The following VPS13D variants were observed in gnomAD, a reference collection of about 807,000 sequenced individuals.
The protein encoded by VPS13D is vacuolar protein sorting 13 homolog D, also known as intermembrane lipid transfer protein VPS13D.
Under a neutral mutation model 461.9 loss-of-function variants are expected in VPS13D, and 187 were observed. The ratio of observed to expected loss-of-function variants is 0.40; its 90% CI spans 0.36 to 0.46. The LOEUF is 0.46. VPS13D is among the 20% of genes least tolerant of loss of function. The pLI is 0.60. For missense variants in VPS13D, 4,711 were observed against 5,364.9 expected (o/e 0.88, Z 3.81); for synonymous variants, 1,951 against 1,986.3 (o/e 0.98, Z 0.47).
chr1:12,371,424 C>G (rs1344258080), intron 54 of VPS13D, among the ~76,000 whole-genome samples: 1 of 141,778 alleles, frequency 7.1e-6, no homozygotes, highest in Non-Finnish European at 1.5e-5. Context: ...GAGTTTTGCT[C>G]TTGTTTCCCA....
At chr1:12,310,391 C>G (rs1376541645) in intron 27 of VPS13D, among the ~76,000 whole-genome samples, 1 of 152,216 alleles carries the variant, frequency 6.6e-6, no homozygotes, top group African/African-American at 2.4e-5. Flanking sequence ...CTAGCCCTCT[C>G]TATACTTAGA....
intron 47 of VPS13D, among the ~76,000 whole-genome samples, chr1:12,354,492 C>G (rs1246190047): frequency 6.6e-6 from 1 of 152,032 alleles, no homozygotes; most frequent in Non-Finnish European, 1.5e-5. Context: ...TATGTTCACG[C>G]TACTGCCCAC....
rs1480813877 is a variant in VPS13D, at chr1:12,310,943, G to T, written c.6651-511G>T. Among the ~76,000 whole-genome samples, 4 of 128,360 alleles carry T rather than the reference G, an allele frequency of 3.1e-5. No homozygotes were observed. In the Admixed American group the frequency reaches 3.2e-4, roughly 10 times the overall value. The allele number at this position is 128,360 out of a possible 152,430, so 84.2% of individuals were successfully genotyped here. The stretch of plus-strand genomic sequence containing the variant: ...TCTCTCCCTCTCTCCCTCCCACAGG[G>T]TCTCACTCTGTCACACAGGCTGGAA... On this transcript the variant is annotated intron_variant, in intron 27 of 69. Transcript: ENST00000620676.
At chr1:12,275,796 T>G (rs556525012) in intron 18 of VPS13D, 29 bp from the exon 19 acceptor site, 27 of 1,534,264 alleles carry the variant, frequency 1.8e-5, no homozygotes, top group African/African-American at 2.8e-5. Context: ...AGCAGACATA[T>G]ATTTGAATCT....
Position 12,234,294 on chromosome 1 carries a change from C to T in VPS13D, c.28C>T (p.Leu10Phe). MLEGLVAWVLNTYLGKYVNN... is the reference protein window; with the variant it reads MLEGLVAWVFNTYLGKYVNN... ...GTTGGAAGGCCTTGTAGCCTGGGTT[C>T]TCAATACCTATTTGGGAAAATATGT... Residue 10 changes from leucine (L) to phenylalanine (F), a missense_variant, in exon 2 of 70, where the codon CTC becomes TTC. Coordinates refer to ENST00000620676, the MANE Select transcript of VPS13D (RefSeq NM_015378.4). 2 of 1,614,084 alleles carry T rather than the reference C, an allele frequency of 1.2e-6. No individual in the cohort carries two copies. The highest frequency in any genetic ancestry group is 1.7e-6 in the Non-Finnish European group (2 of 1,179,974).
rs1298242765 is a variant in VPS13D, at chr1:12,327,745, G to A, written c.8088G>A (p.Val2696=). Residue 2696 remains valine (V), a synonymous_variant, in exon 36 of 70, where the codon GTG becomes GTA. Coordinates refer to ENST00000620676, the MANE Select transcript of VPS13D (RefSeq NM_015378.4). ...ASTSRDSPGA[V]AAPLISGVEI... Reference sequence around the variant, plus strand: ...CCAGCCGAGATAGCCCAGGGGCTGTGGCAGCGCCATTGATCTCTGGCGTGG... The same window carrying A: ...CCAGCCGAGATAGCCCAGGGGCTGTAGCAGCGCCATTGATCTCTGGCGTGG... 1 of 1,613,952 alleles carries A rather than the reference G, an allele frequency of 6.2e-7. No individual in the cohort carries two copies. The highest frequency in any genetic ancestry group is 8.5e-7 in the Non-Finnish European group (1 of 1,180,002).
intron 16 of VPS13D, among the ~76,000 whole-genome samples, chr1:12,269,713 T>G (rs1333463204): frequency 6.6e-6 from 1 of 152,200 alleles, no homozygotes; most frequent in Non-Finnish European, 1.5e-5. Context: ...ACAGGGAGAT[T>G]TATAAAACAA....
Position 12,462,671 on chromosome 1 carries a change from T to C in VPS13D, c.12662+2275T>C, listed in dbSNP as rs77274563. Among the ~76,000 whole-genome samples the C allele has an allele frequency of 1.0e-2, 1,521 of 152,334 alleles. 29 individuals carry two copies. Among genetic ancestry groups the C allele is most frequent in the African/African-American group, 0.033 (1,391 of 41,564 alleles). ...AGGAGGGGGCTCATTGGATTTCTCT[T>C]GTACGTGTTTCAGAGTCAGTTAGTG... On this transcript the variant is annotated intron_variant, in intron 67 of 69. Transcript: ENST00000620676.
rs762865200 is a variant in VPS13D at position 12,293,613 on chromosome 1, G to A, written c.5942G>A (p.Arg1981His). ...MASVQYVHTQ[R>H]FQAEVVAFIQ... ...TCTGTGCAGTATGTGCATACTCAGC[G>A]TTTCCAGGCAGAGGTGGTGGCCTTC... is the stretch of plus-strand genomic sequence containing the variant. Residue 1981 changes from arginine (R) to histidine (H), a missense_variant, in exon 24 of 70, where the codon CGT becomes CAT. This residue lies in a region of VPS13D where 4,411 missense variants were observed against 4,937.8 expected (regional missense o/e 0.89). Transcript: ENST00000620676. The A allele has an allele frequency of 4.3e-6, 7 of 1,614,162 alleles. No homozygotes were observed. The highest frequency in any genetic ancestry group is 2.2e-5 in the East Asian group (1 of 44,886).
chr1:12,344,983 A>G (rs1643643952), intron 42 of VPS13D: 2 of 159,558 alleles, frequency 1.3e-5, no homozygotes, highest in Admixed American at 6.1e-5. Flanking sequence ...CAAAGGAACC[A>G]AGAATAATTT....
At chr1:12,409,384 A>G (rs1280429498) in intron 63 of VPS13D, among the ~76,000 whole-genome samples, 2 of 152,184 alleles carry the variant, frequency 1.3e-5, no homozygotes, top group Non-Finnish European at 2.9e-5. Flanking sequence ...GCAGTCTCAG[A>G]AGACACATGC....
chr1:12,470,142 G>A (rs1645543471), intron 67 of VPS13D, among the ~76,000 whole-genome samples: 1 of 152,202 alleles, frequency 6.6e-6, no homozygotes, highest in Non-Finnish European at 1.5e-5. Context: ...TGGCAGGGGT[G>A]ACCCAAACTG....
chr1:12,447,104 C>A (rs1271024472), intron 65 of VPS13D, among the ~76,000 whole-genome samples: 1 of 152,134 alleles, frequency 6.6e-6, no homozygotes, highest in African/African-American at 2.4e-5. Context: ...CAGATATTTG[C>A]ATGTAATTTT....
intron 30 of VPS13D, among the ~76,000 whole-genome samples, chr1:12,315,536 A>G (rs994884440): frequency 3.9e-5 from 6 of 152,148 alleles, no homozygotes; most frequent in Non-Finnish European, 8.8e-5. Flanking sequence ...TGCAGAGGGG[A>G]TGACTTCTTC....
chr1:12,314,841 TCAGA>T (rs1642847215), intron 30 of VPS13D, among the ~76,000 whole-genome samples: 1 of 152,246 alleles, frequency 6.6e-6, no homozygotes, highest in East Asian at 1.9e-4. Context: ...TATTTTGGAA[TCAGA>T]CAGATCTGGG....
chr1:12,243,025 T>C (rs1436770214), intron 3 of VPS13D, among the ~76,000 whole-genome samples: 3 of 151,790 alleles, frequency 2.0e-5, no homozygotes, highest in Non-Finnish European at 4.4e-5. Flanking sequence ...CGATCTCGGC[T>C]CACTGCAACC....
At chr1:12,341,709 T>A in intron 40 of VPS13D, 71 bp from the exon 41 acceptor site, 1 of 1,434,338 alleles carries the variant, frequency 7.0e-7, no homozygotes, top group Non-Finnish European at 9.7e-7. Flanking sequence ...GGGCACTGTC[T>A]CCAGGTTGGG....
chr1:12,349,008 GA>G (rs1643737979), intron 45 of VPS13D, 35 bp downstream of exon 45: 2 of 1,612,944 alleles, frequency 1.2e-6, no homozygotes, highest in African/African-American at 2.7e-5. Flanking sequence ...AGTAAATGCT[GA>G]TAAATACTTC....
At position 12,507,179 on chromosome 1, in the gene VPS13D, C is replaced by T; in HGVS notation, c.13035+86C>T. The T allele has an allele frequency of 6.2e-7, 1 of 1,605,626 alleles. No individual in the cohort carries two copies. Among genetic ancestry groups the T allele is most frequent in the Non-Finnish European group, 8.5e-7 (1 of 1,175,234 alleles). On this transcript the variant is annotated intron_variant, in intron 69 of 69. Transcript: ENST00000620676. This position sits in a 1 kb window ranked among gnomAD's most constrained non-coding sequence, Gnocchi z 5.3. ...CCTGCTTCCCCGTCCTCAGCAGGAG[C>T]TCATTTAGGAGGTTGAGGCTGGGCC...
Sources: allele counts gnomAD v4.1 joint callset (sites outside exome capture counted in the v4.1 genomes callset), GRCh38; gene constraint gnomAD v4.1.1; regional missense constraint gnomAD v4.1.1; non-coding constraint Gnocchi (gnomAD v3.1); transcripts MANE v1.5; gene names NCBI Gene and HGNC (gene_info 2026-07-23, HGNC 2026-07-21).